Variants in DYRK1A observed in about 807,000 individuals in gnomAD.
DYRK1A encodes dual specificity tyrosine phosphorylation regulated kinase 1A.
Under a neutral mutation model 79.7 loss-of-function variants are expected in DYRK1A, and 9 were observed. The ratio of observed to expected loss-of-function variants is 0.11; its 90% confidence interval spans 0.07 to 0.20. The LOEUF (loss-of-function observed/expected upper bound fraction) is 0.20. Among genes scored for constraint, DYRK1A ranks in the 10% least tolerant of loss-of-function variants. DYRK1A has a pLI of 1.00. For missense variants in DYRK1A, 622 were observed against 956.0 expected (o/e 0.65, Z 4.61); for synonymous variants, 349 against 329.7 (o/e 1.06, Z -0.63).
At chr21:37,448,933 A>G (rs188014344) in intron 2 of DYRK1A, among the ~76,000 whole-genome samples, 138 of 152,270 alleles carry the variant, frequency 9.1e-4, no homozygotes, top group Middle Eastern at 3.4e-3. Flanking sequence ...CCTGAGCCGA[A>G]GCAATCTGCC....
At chr21:37,445,907 G>A (rs943869192) in intron 2 of DYRK1A, among the ~76,000 whole-genome samples, 4 of 152,202 alleles carry the variant, frequency 2.6e-5, no homozygotes, top group African/African-American at 9.7e-5. Context: ...ACTTTGGGAG[G>A]TTGAGGTGGG....
intron 1 of DYRK1A, among the ~76,000 whole-genome samples, chr21:37,411,962 T>G (rs2050253748): frequency 6.6e-6 from 1 of 152,232 alleles, no homozygotes. Context: ...TGTGCCAATC[T>G]GTTTATTGAA....
chr21:37,443,575 A>C (rs1011138981), intron 2 of DYRK1A, among the ~76,000 whole-genome samples: 2 of 152,180 alleles, frequency 1.3e-5, no homozygotes, highest in Admixed American at 6.5e-5. Context: ...CTTACTTCTG[A>C]GATTTTTTAG....
chr21:37,504,768 C>T (rs2053546250), intron 9 of DYRK1A: 1 of 153,166 alleles, frequency 6.5e-6, no homozygotes, highest in African/African-American at 2.4e-5. Context: ...TTATGTAGAA[C>T]ATCCTTGGTG....
Position 37,517,539 on chromosome 21 carries a change from A to G in DYRK1A, c.*5008A>G, listed in dbSNP as rs897333453. 1.3e-5 allele frequency: 2 copies of G among 152,184 alleles called. No homozygotes were observed. The highest frequency in any genetic ancestry group is 4.8e-5 in the African/African-American group (2 of 41,428). 9.4% of individuals were successfully genotyped at this position (152,184 alleles called of 1,614,324 possible). A position where few individuals can be genotyped will look rare whatever the true frequency, so the allele number is the denominator to read the frequency against. On this transcript the variant is annotated 3_prime_UTR_variant, in exon 12 of 12. Transcript: ENST00000647188. Reference sequence around the variant, plus strand: ...CAGTGTACTTGCCCCTGAATTCCATATCTGAAACTGCAGTCACGGGAGATT... The same window carrying G: ...CAGTGTACTTGCCCCTGAATTCCATGTCTGAAACTGCAGTCACGGGAGATT...
In DYRK1A at chr21:37,480,830, A is replaced by G. The variant is rs1363692911; in HGVS notation, c.489+4A>G. 4 of 1,574,190 alleles carry G rather than the reference A, an allele frequency of 2.5e-6. No homozygotes were observed. ...AGGCAAAGGTTCCTTTGGACAGGTA[A>G]TTTAATGGAAAATGCTGAATTTCAT... On this transcript the variant is annotated splice_donor_region_variant and intron_variant, in intron 5 of 11. Transcript: ENST00000647188.
chr21:37,417,193 A>T (rs753767968), intron 1 of DYRK1A, among the ~76,000 whole-genome samples: 2 of 151,904 alleles, frequency 1.3e-5, no homozygotes, highest in Admixed American at 1.3e-4. Context: ...ATTAGTGTAT[A>T]TATATATATT....
At chr21:37,476,567 A>G (rs2052399940) in intron 3 of DYRK1A, among the ~76,000 whole-genome samples, 1 of 152,332 alleles carries the variant, frequency 6.6e-6, no homozygotes, top group African/African-American at 2.4e-5. Context: ...ACTTAAATTA[A>G]AAAAGAAAAG....
At chr21:37,370,698 G>T (rs1034907378) in intron 1 of DYRK1A, among the ~76,000 whole-genome samples, 1 of 152,062 alleles carries the variant, frequency 6.6e-6, no homozygotes, top group Non-Finnish European at 1.5e-5. Context: ...CCAAAGTTGT[G>T]TTAGTCTTAT....
intron 1 of DYRK1A, among the ~76,000 whole-genome samples, chr21:37,403,371 G>A (rs2050087081): frequency 6.6e-6 from 1 of 151,960 alleles, no homozygotes; most frequent in Non-Finnish European, 1.5e-5. Flanking sequence ...CTAACATGGG[G>A]TTGGTGTTTT....
rs980797280 is a variant in DYRK1A, at chr21:37,520,948, C to T, written c.*8417C>T. 5 of 152,292 alleles carry T rather than the reference C, an allele frequency of 3.3e-5. No individual in the cohort carries two copies. The highest frequency in any genetic ancestry group is 1.2e-4 in the African/African-American group (5 of 41,458). The allele number at this position is 152,292 out of a possible 1,614,324, so 9.4% of individuals were successfully genotyped here. ...AGCGCTTACATGGGATTCTTACCTT[C>T]TGACTGGAGTGTCACCCTCGCCCAG... On this transcript the variant is annotated 3_prime_UTR_variant, in exon 12 of 12. Coordinates refer to ENST00000647188, the MANE Select transcript of DYRK1A (RefSeq NM_001347721.2).
rs758314164 is a variant in DYRK1A, at chr21:37,512,044, A to G, written c.1778A>G (p.His593Arg). Residue 593 changes from histidine to arginine, a missense_variant, in exon 12 of 12, where the codon CAT becomes CGT. His to Arg is a conservative substitution (Grantham distance 29, BLOSUM62 0). This residue lies in a region of DYRK1A where 292 missense variants were observed against 316.7 expected (regional missense o/e 0.92). Coordinates refer to ENST00000647188, the MANE Select transcript of DYRK1A (RefSeq NM_001347721.2). ...APQQNALHHH[H>R]GNSSHHHHHH... ...CAACAGAATGCATTGCATCATCACC[A>G]TGGTAACAGTTCCCATCACCATCAC... 1.9e-6 allele frequency: 3 copies of G among 1,613,988 alleles called. No individual in the cohort carries two copies. The highest frequency in any genetic ancestry group is 2.2e-5 in the East Asian group (1 of 44,900).
At chr21:37,377,078 T>C (rs2049559146) in intron 1 of DYRK1A, among the ~76,000 whole-genome samples, 1 of 152,112 alleles carries the variant, frequency 6.6e-6, no homozygotes, top group African/African-American at 2.4e-5. Flanking sequence ...CCAAATGGGA[T>C]CAGACATACT....
In DYRK1A at chr21:37,517,669, TAATG is replaced by T. The variant is rs931772844; in HGVS notation, c.*5141_*5144del. 4 of 152,056 alleles carry T rather than the reference TAATG, an allele frequency of 2.6e-5. No individual in the cohort carries two copies. Among genetic ancestry groups the T allele is most frequent in the African/African-American group, 4.8e-5 (2 of 41,350 alleles). The allele number at this position is 152,056 out of a possible 1,614,324, so 9.4% of individuals were successfully genotyped here. On this transcript the variant is annotated 3_prime_UTR_variant, in exon 12 of 12. Transcript: ENST00000647188. ...GCAGGTGTGCCGGGCAGGGAGTTGT[TAATG>T]AACACCCAGGCAAGAGGACGGGCCT... is the stretch of plus-strand genomic sequence containing the variant.
chr21:37,502,376 T>C (rs894610880), intron 9 of DYRK1A: 18 of 152,204 alleles, frequency 1.2e-4, no homozygotes, highest in African/African-American at 4.1e-4. Flanking sequence ...TGAATACTTT[T>C]TGGCATTTTA....
intron 7 of DYRK1A, 110 bp downstream of exon 7, chr21:37,490,571 T>C (rs2148613619): frequency 2.8e-6 from 2 of 711,344 alleles, no homozygotes; most frequent in South Asian, 6.9e-5. Context: ...GCCATTGCAG[T>C]TGCTGTTTTT....
intron 11 of DYRK1A, among the ~76,000 whole-genome samples, chr21:37,511,655 G>C (rs2053751644): frequency 6.6e-6 from 1 of 152,206 alleles, no homozygotes; most frequent in Non-Finnish European, 1.5e-5. Flanking sequence ...CCCAAGGAAG[G>C]ACAGTGGCTA....
At chr21:37,476,829 C>A (rs367563616) in intron 3 of DYRK1A, among the ~76,000 whole-genome samples, 4 of 147,126 alleles carry the variant, frequency 2.7e-5, no homozygotes, top group Non-Finnish European at 6.0e-5. Flanking sequence ...CCCCCCCCCC[C>A]CAACCTTATT....
In DYRK1A at chr21:37,517,330, G is replaced by T. The variant is rs902333974; in HGVS notation, c.*4799G>T. On this transcript the variant is annotated 3_prime_UTR_variant, in exon 12 of 12. Coordinates refer to ENST00000647188, the MANE Select transcript of DYRK1A (RefSeq NM_001347721.2). Reference sequence around the variant, plus strand: ...GGGAGGCCGGGCGATGCTGGCATGGGTGTGGTTGGCCGAGTTCTCATAGCT... The same window carrying T: ...GGGAGGCCGGGCGATGCTGGCATGGTTGTGGTTGGCCGAGTTCTCATAGCT... 2 of 152,324 alleles carry T rather than the reference G, an allele frequency of 1.3e-5. No homozygotes were observed. Among genetic ancestry groups the T allele is most frequent in the Admixed American group, 6.5e-5 (1 of 15,276 alleles). The allele number at this position is 152,324 out of a possible 1,614,324, so 9.4% of individuals were successfully genotyped here.
Sources: allele counts gnomAD v4.1 joint callset (sites outside exome capture counted in the v4.1 genomes callset), GRCh38; gene constraint gnomAD v4.1.1; regional missense constraint gnomAD v4.1.1; transcripts MANE v1.5; gene names NCBI Gene and HGNC (gene_info 2026-07-23, HGNC 2026-07-21).